The following PEX1 variants were observed in gnomAD, a reference collection of about 807,000 sequenced individuals.
PEX1 encodes the protein peroxisomal biogenesis factor 1, also known as peroxisomal ATPase PEX1.
Under a neutral mutation model 152.5 loss-of-function variants are expected in PEX1, and 97 were observed. The ratio of observed to expected loss-of-function variants is 0.64; its 90% CI spans 0.54 to 0.75. The LOEUF (loss-of-function observed/expected upper bound fraction) is 0.75, where lower values mean the gene tolerates loss of function less well. PEX1 is among the 30% of genes least tolerant of loss of function. PEX1 has a pLI of 0.00. For synonymous variants in PEX1, 485 were observed against 531.6 expected (o/e 0.91, Z 1.21); for missense variants, 1,357 against 1,516.3 (o/e 0.89, Z 1.74).
chr7:92,506,204 T>C, intron 11 of PEX1, 44 bp downstream of exon 11: 1 of 1,016,706 alleles, frequency 9.8e-7, no homozygotes, highest in South Asian at 1.3e-5. Context: ...TTCCTGTCTT[T>C]CTAATGAAAA....
At chr7:92,528,197 G>A in intron 1 of PEX1, 110 bp downstream of exon 1, 2 of 1,432,566 alleles carry the variant, frequency 1.4e-6, no homozygotes, top group East Asian at 2.5e-5. Context: ...TGATCTCTGC[G>A]CGCTTCGGCG....
At position 92,528,294 on chromosome 7, in the gene PEX1, G is replaced by A. The variant is rs1374119373; in HGVS notation, c.129+13C>T. On this transcript the variant is annotated intron_variant, in intron 1 of 23. Coordinates refer to ENST00000248633, the MANE Select transcript of PEX1 (RefSeq NM_000466.3). ...CAGGCTGAAGATCAGGTGGCTCGGG[G>A]CCGGCAGGTTACCTGCAGCAGATGC... 1 of 1,551,992 alleles carries A rather than the reference G, an allele frequency of 6.4e-7. No individual in the cohort carries two copies. Among genetic ancestry groups the A allele is most frequent in the Non-Finnish European group, 8.7e-7 (1 of 1,149,434 alleles).
At chr7:92,516,349 C>T (rs1018137316) in intron 5 of PEX1, among the ~76,000 whole-genome samples, 4 of 151,922 alleles carry the variant, frequency 2.6e-5, no homozygotes, top group African/African-American at 9.7e-5. Context: ...ACCACTTGAA[C>T]GTGGGAGGCG....
intron 8 of PEX1, among the ~76,000 whole-genome samples, chr7:92,509,931 G>C (rs555444933): frequency 6.6e-6 from 1 of 152,066 alleles, no homozygotes; most frequent in African/African-American, 2.4e-5. Flanking sequence ...ATCACTTGAG[G>C]TCAGGAGTTC....
rs61750427 is a variant in PEX1, at chr7:92,494,357, A to T, written c.2966T>A (p.Ile989Asn). The change falls in exon 19 of 24, where the codon ATT becomes AAT. Residue 989 changes from isoleucine (I) to asparagine (N), a missense_variant. By Grantham distance (149) the Ile-to-Asn change is moderately radical. Coordinates refer to ENST00000248633, the MANE Select transcript of PEX1 (RefSeq NM_000466.3). ...ACCAGGCCTAAGCAGGGCAGGGTCA[A>T]TCAAGTCAGGGCGACTAGTAGCAGC... ...VLAATSRPDL[I>N]DPALLRPGRL... 2 of 1,614,072 alleles carry T rather than the reference A, an allele frequency of 1.2e-6. No individual in the cohort carries two copies.
intron 15 of PEX1, 121 bp downstream of exon 15, chr7:92,501,386 T>G: frequency 1.3e-6 from 1 of 750,046 alleles, no homozygotes; most frequent in Non-Finnish European, 2.4e-6. Context: ...ATTTATTTGG[T>G]AACTCAGTAA....
chr7:92,515,030 G>A (rs1792660575), intron 5 of PEX1, among the ~76,000 whole-genome samples: 1 of 146,862 alleles, frequency 6.8e-6, no homozygotes, highest in Non-Finnish European at 1.5e-5. Context: ...CTGGGCGACA[G>A]AGTGAGACTC....
At chr7:92,528,272 G>A (rs1046360837) in intron 1 of PEX1, 35 bp downstream of exon 1, 11 of 1,547,696 alleles carry the variant, frequency 7.1e-6, no homozygotes, top group Non-Finnish European at 7.8e-6. Flanking sequence ...CCGACCCCAG[G>A]CTGAAGATCA....
At chr7:92,515,901 G>A (rs1221593606) in intron 5 of PEX1, among the ~76,000 whole-genome samples, 1 of 151,886 alleles carries the variant, frequency 6.6e-6, no homozygotes, top group South Asian at 2.1e-4. Context: ...GGCTGAGGCA[G>A]GAGAATCATT....
rs184938084 is a variant in PEX1 at position 92,489,451 on chromosome 7, A to C, written c.3637-28T>G. On this transcript the variant is annotated intron_variant, in intron 22 of 23. Transcript: ENST00000248633. The stretch of plus-strand genomic sequence containing the variant: ...TAAGTAAAAAAAGAAATTGACGAAG[A>C]GTTAAATTAAGGATGTAAAAAAAAA... The C allele has an allele frequency of 4.4e-6, 7 of 1,601,116 alleles. No individual in the cohort carries two copies. In the East Asian group the frequency reaches 1.6e-4, roughly 36 times the overall value.
Position 92,508,650 on chromosome 7 carries a change from A to T in PEX1, c.1670+679T>A, listed in dbSNP as rs548126919. Among the ~76,000 whole-genome samples the T allele has an allele frequency of 2.6e-5, 4 of 152,316 alleles. No homozygotes were observed. In the East Asian group the frequency reaches 7.7e-4, roughly 29 times the overall value. ...ATTTACAGATTATACCATTCTAAGA[A>T]ATCAAATCCCTACTACTACATCTAC... On this transcript the variant is annotated intron_variant, in intron 9 of 23. Transcript: ENST00000248633.
intron 1 of PEX1, 61 bp downstream of exon 1, chr7:92,528,246 G>A: frequency 6.5e-7 from 1 of 1,540,942 alleles, no homozygotes; most frequent in East Asian, 2.5e-5. Flanking sequence ...GCGTCCCTGA[G>A]AGGCTTCGGC....
intron 5 of PEX1, among the ~76,000 whole-genome samples, chr7:92,516,065 G>GGGAA (rs1562864920): frequency 4.9e-5 from 3 of 60,720 alleles, no homozygotes; most frequent in African/African-American, 2.0e-4. Flanking sequence ...AAAAAGAAAA[G>GGGAA]AAAAGAAAAG....
intron 1 of PEX1, among the ~76,000 whole-genome samples, 174 bp downstream of exon 1, chr7:92,528,133 C>A (rs1355683899): frequency 1.3e-5 from 2 of 152,260 alleles, no homozygotes; most frequent in East Asian, 3.8e-4. Flanking sequence ...CAGGGCTGCA[C>A]TGGACTTGTG....
intron 6 of PEX1, among the ~76,000 whole-genome samples, chr7:92,512,487 T>A (rs1393537078): frequency 6.6e-6 from 1 of 151,668 alleles, no homozygotes. Context: ...CACATGTGTC[T>A]AATTTTTATT....
chr7:92,489,196 A>G (rs1791124799), intron 23 of PEX1, 97 bp downstream of exon 23: 1 of 1,135,332 alleles, frequency 8.8e-7, no homozygotes, highest in South Asian at 1.3e-5. Context: ...AAATATTCAA[A>G]ATATTTTTAT....
chr7:92,491,075 C>T (rs1478755169), intron 21 of PEX1, among the ~76,000 whole-genome samples, 197 bp downstream of exon 21: 1 of 152,184 alleles, frequency 6.6e-6, no homozygotes, highest in Admixed American at 6.5e-5. Context: ...TGGTTCCTTG[C>T]TCCCAGCCCT....
intron 1 of PEX1, among the ~76,000 whole-genome samples, chr7:92,523,900 T>C (rs114899433): frequency 1.6e-4 from 25 of 152,244 alleles, no homozygotes; most frequent in African/African-American, 5.8e-4. Flanking sequence ...AATAAATTCA[T>C]TAAGTTAAAA....
chr7:92,517,292 T>C lies in PEX1; in HGVS notation c.1223A>G (p.His408Arg). The C allele has an allele frequency of 6.2e-7, 1 of 1,613,764 alleles. No individual in the cohort carries two copies. The highest frequency in any genetic ancestry group is 8.5e-7 in the Non-Finnish European group (1 of 1,179,724). ...IKYTKNVEVL[H>R]LGKVWIPDDL... Reference sequence around the variant, plus strand: ...TATACTAACCCAGACTTTCCCAAGATGGAGAACTTCTACATTTTTGGTATA... The same window carrying C: ...TATACTAACCCAGACTTTCCCAAGACGGAGAACTTCTACATTTTTGGTATA... Residue 408 changes from histidine to arginine, a missense_variant, in exon 5 of 24, where the codon CAT becomes CGT. Physicochemically the swap from His to Arg is conservative, Grantham distance 29 (BLOSUM62 0). Transcript: ENST00000248633.
Sources: allele counts gnomAD v4.1 joint callset (sites outside exome capture counted in the v4.1 genomes callset), GRCh38; gene constraint gnomAD v4.1.1; transcripts MANE v1.5; gene names NCBI Gene and HGNC (gene_info 2026-07-23, HGNC 2026-07-21).